Variants in MEIS2 observed in about 807,000 individuals in gnomAD.
The protein encoded by MEIS2 is Meis homeobox 2.
A neutral mutation model predicts 58.6 loss-of-function variants in MEIS2; 9 were observed. That is an observed-to-expected ratio of 0.15 (90% CI 0.09 to 0.27). The LOEUF (loss-of-function observed/expected upper bound fraction) is 0.27. Among genes scored for constraint, MEIS2 ranks in the 10% least tolerant of loss-of-function variants. The pLI, the probability that MEIS2 is intolerant of heterozygous loss-of-function variation, is 1.00. For synonymous variants in MEIS2, 221 were observed against 228.4 expected, an observed-to-expected ratio of 0.97 and a Z score of 0.29; for missense variants, 427 against 635.0, an observed-to-expected ratio of 0.67 and a Z score of 3.52.
chr15:36,976,292 G>C (rs938802582), intron 8 of MEIS2, among the ~76,000 whole-genome samples: 1 of 151,750 alleles, frequency 6.6e-6, no homozygotes. Context: ...CACCATGTTG[G>C]CCAGGCTGGT....
At chr15:36,944,126 G>A (rs1299277124) in intron 9 of MEIS2, among the ~76,000 whole-genome samples, 1 of 151,976 alleles carries the variant, frequency 6.6e-6, no homozygotes, top group Non-Finnish European at 1.5e-5. Flanking sequence ...ATACGGTAAT[G>A]CTTCCTCTTA....
chr15:36,931,880 A>G (rs1221161019), intron 9 of MEIS2, among the ~76,000 whole-genome samples: 1 of 152,226 alleles, frequency 6.6e-6, no homozygotes, highest in Non-Finnish European at 1.5e-5. Context: ...AAATTTCTAT[A>G]GATAGGCGGA....
At chr15:36,929,471 G>A (rs1008867679) in intron 9 of MEIS2, among the ~76,000 whole-genome samples, 8 of 152,182 alleles carry the variant, frequency 5.3e-5, no homozygotes, top group African/African-American at 1.7e-4. Context: ...AAATTTGTAC[G>A]AGAGTATTGT....
Position 37,073,188 on chromosome 15 carries a change from C to T in MEIS2, c.754+10583G>A, listed in dbSNP as rs200315624. 2.1e-4 allele frequency among the ~76,000 whole-genome samples: 32 copies of T among 152,136 alleles called. No homozygotes were observed. In the East Asian group the frequency reaches 5.8e-3, roughly 28 times the overall value. ...AGTGCTAATTTAATCCTAACAACTG[C>T]CCTATGAGACAGTTATTATTCCCAT... On this transcript the variant is annotated intron_variant, in intron 7 of 11. Transcript: ENST00000561208.
At chr15:37,022,379 G>A (rs1024315669) in intron 8 of MEIS2, among the ~76,000 whole-genome samples, 11 of 152,148 alleles carry the variant, frequency 7.2e-5, no homozygotes, top group African/African-American at 2.4e-4. Context: ...TGGAACTAAA[G>A]GTGCACACCA....
rs60605081 is a variant in MEIS2 at position 37,031,421 on chromosome 15, A to ATGTGTGTGTGTGTGTGTGTGTG, written c.900+5371_900+5392dup. On this transcript the variant is annotated intron_variant, in intron 8 of 11. Transcript: ENST00000561208. ...TCCCTCCCTCTCTCCTCCCTTGCAT[A>ATGTGTGTGTGTGTGTGTGTGTG]TGTGTGTGTGTGTGTGTGTGTGTGT... 4.8e-5 allele frequency among the ~76,000 whole-genome samples: 7 copies of ATGTGTGTGTGTGTGTGTGTGTG among 146,950 alleles called. No individual in the cohort carries two copies. In the East Asian group the frequency reaches 8.3e-4, roughly 17 times the overall value.
chr15:36,922,382 G>A (rs566482909), intron 9 of MEIS2, among the ~76,000 whole-genome samples: 81 of 149,420 alleles, frequency 5.4e-4, no homozygotes, highest in African/African-American at 1.9e-3. Context: ...GTGGTAAAGA[G>A]GTATTTTTAT....
intron 7 of MEIS2, among the ~76,000 whole-genome samples, chr15:37,051,992 C>T (rs1185683902): frequency 1.3e-5 from 2 of 150,462 alleles, no homozygotes; most frequent in Non-Finnish European, 1.5e-5. Context: ...AAAAAAATAC[C>T]GATAATAACT....
chr15:36,908,772 TA>T (rs199762025), intron 9 of MEIS2, among the ~76,000 whole-genome samples: 2,276 of 152,026 alleles, frequency 0.015, 47 homozygotes, highest in African/African-American at 0.052. Flanking sequence ...CCGTCTCTAC[TA>T]AAAATACAAA....
chr15:36,895,305 A>G, intron 10 of MEIS2, 44 bp from the exon 11 acceptor site: 2 of 1,541,310 alleles, frequency 1.3e-6, no homozygotes, highest in South Asian at 1.1e-5. Context: ...AGAAGAAAAG[A>G]TATACCAAAC....
At chr15:37,077,889 T>C (rs1345651690) in intron 7 of MEIS2, among the ~76,000 whole-genome samples, 2 of 152,098 alleles carry the variant, frequency 1.3e-5, no homozygotes, top group African/African-American at 4.8e-5. Flanking sequence ...CAGAGAGAGA[T>C]GAACTGCATC....
intron 9 of MEIS2, among the ~76,000 whole-genome samples, chr15:36,936,728 T>C (rs548673189): frequency 6.6e-5 from 10 of 152,244 alleles, no homozygotes; most frequent in Admixed American, 1.3e-4. Flanking sequence ...CCTGTTATAC[T>C]ATTCCTTTTT....
In MEIS2 at chr15:36,906,410, T is replaced by C. The variant is rs368610474; in HGVS notation, c.978-9724A>G. Among the ~76,000 whole-genome samples, 26 of 151,842 alleles carry C rather than the reference T, an allele frequency of 1.7e-4. No homozygotes were observed. The East Asian group carries it at 2.3e-3, about 14-fold the overall frequency. On this transcript the variant is annotated intron_variant, in intron 9 of 11. Coordinates refer to ENST00000561208, the MANE Select transcript of MEIS2 (RefSeq NM_170675.5). ...AATGAAAAAGAAGTAGGGTATTTGG[T>C]TGGGAGAACTGCTGATAAATTAAAC...
chr15:37,044,060 G>A (rs576722150), intron 7 of MEIS2, among the ~76,000 whole-genome samples: 4 of 152,188 alleles, frequency 2.6e-5, no homozygotes, highest in African/African-American at 7.2e-5. Flanking sequence ...GGGCACTTGC[G>A]ATGTTCCAAT....
intron 8 of MEIS2, among the ~76,000 whole-genome samples, chr15:36,961,474 G>C (rs1420168056): frequency 1.3e-5 from 2 of 151,932 alleles, no homozygotes; most frequent in Non-Finnish European, 2.9e-5. Context: ...CCACCATAAT[G>C]GAATGTAATG....
intron 8 of MEIS2, among the ~76,000 whole-genome samples, chr15:36,965,353 T>C (rs1243601085): frequency 1.3e-5 from 2 of 152,176 alleles, no homozygotes; most frequent in Non-Finnish European, 2.9e-5. Flanking sequence ...AAGATGTGAT[T>C]AATTATATGA....
intron 8 of MEIS2, among the ~76,000 whole-genome samples, chr15:37,006,293 A>G (rs1044508727): frequency 5.3e-5 from 8 of 152,230 alleles, no homozygotes; most frequent in Non-Finnish European, 1.2e-4. Flanking sequence ...ATAATTCCCA[A>G]ATTAAGCCAT....
rs1425079085 is a variant in MEIS2, at chr15:36,891,322, T to C, written c.*851A>G. The C allele has an allele frequency of 6.6e-6, 1 of 152,528 alleles. No individual in the cohort carries two copies. The highest frequency in any genetic ancestry group is 2.4e-5 in the African/African-American group (1 of 41,436). 9.4% of individuals were successfully genotyped at this position (152,528 alleles called of 1,614,324 possible). On this transcript the variant is annotated 3_prime_UTR_variant, in exon 12 of 12. Coordinates refer to ENST00000561208, the MANE Select transcript of MEIS2 (RefSeq NM_170675.5). ...AATAGACCGAACTCTGTACGAAGTT[T>C]GTTACAGTATTCTCTTGCTCCTTTT...
intron 9 of MEIS2, among the ~76,000 whole-genome samples, chr15:36,949,883 C>T (rs898385568): frequency 6.6e-6 from 1 of 151,894 alleles, no homozygotes; most frequent in African/African-American, 2.4e-5. Context: ...TTAGGAGATA[C>T]TAAAAAGCCT....
Sources: allele counts gnomAD v4.1 joint callset (sites outside exome capture counted in the v4.1 genomes callset), GRCh38; gene constraint gnomAD v4.1.1; transcripts MANE v1.5; gene names NCBI Gene and HGNC (gene_info 2026-07-23, HGNC 2026-07-21).